The following TUBGCP3 variants were observed in gnomAD, a reference collection of about 807,000 sequenced individuals.
TUBGCP3 encodes tubulin gamma complex component 3, also known as gamma-tubulin complex component 3.
A neutral mutation model predicts 123.1 loss-of-function variants in TUBGCP3; 50 were observed. That is an observed-to-expected ratio of 0.41 (90% CI 0.32 to 0.51). TUBGCP3 has a LOEUF of 0.51. Ranked by LOEUF, TUBGCP3 falls within the 20% of genes least tolerant of loss-of-function variation. The probability of loss-of-function intolerance (pLI) is 0.36; values close to 1 mark genes in which losing one functional copy is unlikely to be tolerated. For synonymous variants in TUBGCP3, 405 were observed against 413.9 expected, an observed-to-expected ratio of 0.98 and a Z score of 0.26; for missense variants, 882 against 1,127.0, an observed-to-expected ratio of 0.78 and a Z score of 3.11.
intron 19 of TUBGCP3, among the ~76,000 whole-genome samples, chr13:112,502,501 A>G (rs555124784): frequency 2.0e-5 from 3 of 151,246 alleles, no homozygotes; most frequent in African/African-American, 7.3e-5. Context: ...GGTTAGTAAT[A>G]GAGGTTTCAA....
At chr13:112,499,587 C>A (rs1880762622) in intron 19 of TUBGCP3, among the ~76,000 whole-genome samples, 1 of 151,670 alleles carries the variant, frequency 6.6e-6, no homozygotes, top group Non-Finnish European at 1.5e-5. Flanking sequence ...GAAAGCATCT[C>A]CATTTTTTTT....
chr13:112,519,422 T>G lies in TUBGCP3; in HGVS notation c.1882-379A>C, dbSNP rs1594135462. 6.6e-6 allele frequency among the ~76,000 whole-genome samples: 1 copy of G among 152,202 alleles called. No individual in the cohort carries two copies. The highest frequency in any genetic ancestry group is 1.5e-5 in the Non-Finnish European group (1 of 68,030). ...CTAATGATCTTCCATCACAACTAAG[T>G]AAATAGTGGGTTTATGTTCATAATA... On this transcript the variant is annotated intron_variant, in intron 15 of 21. Coordinates refer to ENST00000261965, the MANE Select transcript of TUBGCP3 (RefSeq NM_006322.6). The surrounding 1 kb of genome is among the most constrained non-coding windows in gnomAD (Gnocchi z 6.2).
At chr13:112,585,939 TA>T (rs909993562) in intron 1 of TUBGCP3, among the ~76,000 whole-genome samples, 1,505 of 142,058 alleles carry the variant, frequency 0.011, 18 homozygotes, top group African/African-American at 0.032. Flanking sequence ...ATCTTCAATG[TA>T]AAAAAAAAAA....
intron 11 of TUBGCP3, among the ~76,000 whole-genome samples, chr13:112,535,179 A>T (rs1218360413): frequency 6.6e-6 from 1 of 152,202 alleles, no homozygotes; most frequent in Non-Finnish European, 1.5e-5. Flanking sequence ...CATTTTATTT[A>T]TCAGTTCATC....
rs544070528 is a variant in TUBGCP3, at chr13:112,494,421, A to G, written c.2448+4624T>C. ...TTAACATTAAACATCTAAACTTAGT[A>G]TAGTAAAATAGTATATTTTGAGCTG... On this transcript the variant is annotated intron_variant, in intron 20 of 21. Coordinates refer to ENST00000261965, the MANE Select transcript of TUBGCP3 (RefSeq NM_006322.6). Among the ~76,000 whole-genome samples the G allele has an allele frequency of 3.9e-5, 6 of 152,316 alleles. No individual in the cohort carries two copies. The South Asian group carries it at 1.2e-3, about 32-fold the overall frequency.
rs1418705659 is a variant in TUBGCP3, at chr13:112,511,046, A to T, written c.2086+5394T>A. ...AGGATACAAAAACACAGATAGATAC[A>T]CAAAGAAATTTTTAAAGAGAAAAAC... On this transcript the variant is annotated intron_variant, in intron 17 of 21. Coordinates refer to ENST00000261965, the MANE Select transcript of TUBGCP3 (RefSeq NM_006322.6). The surrounding 1 kb of genome is among the most constrained non-coding windows in gnomAD (Gnocchi z 4.1). Among the ~76,000 whole-genome samples the T allele has an allele frequency of 6.6e-6, 1 of 152,212 alleles. No individual in the cohort carries two copies. Among genetic ancestry groups the T allele is most frequent in the Non-Finnish European group, 1.5e-5 (1 of 68,036 alleles).
intron 8 of TUBGCP3, among the ~76,000 whole-genome samples, chr13:112,548,878 CT>C (rs1820654339): frequency 6.6e-6 from 1 of 152,224 alleles, no homozygotes. Context: ...CACTTTTACA[CT>C]GTTGGTGGGA....
chr13:112,601,549 C>T, the TUBGCP3 span, among the ~76,000 whole-genome samples: 1 of 152,146 alleles, frequency 6.6e-6, no homozygotes, highest in African/African-American at 2.4e-5. Context: ...CATCTGTGTT[C>T]GCCCAGGTGG....
At chr13:112,502,420 T>C (rs1880974511) in intron 19 of TUBGCP3, among the ~76,000 whole-genome samples, 1 of 152,108 alleles carries the variant, frequency 6.6e-6, no homozygotes, top group East Asian at 1.9e-4. Context: ...CGGCATCTGC[T>C]GAATACAGAG....
At chr13:112,561,064 T>C (rs1007795082) in intron 3 of TUBGCP3, among the ~76,000 whole-genome samples, 1 of 151,958 alleles carries the variant, frequency 6.6e-6, no homozygotes, top group African/African-American at 2.4e-5. Flanking sequence ...GAAACTTGGA[T>C]TTGGAGGTAA....
intron 11 of TUBGCP3, among the ~76,000 whole-genome samples, chr13:112,535,588 T>C (rs1424426726): frequency 6.6e-6 from 1 of 152,272 alleles, no homozygotes; most frequent in Non-Finnish European, 1.5e-5. Flanking sequence ...GTATCTTCTT[T>C]GGAGAAATAT....
At chr13:112,514,333 G>A (rs1322265085) in intron 17 of TUBGCP3, among the ~76,000 whole-genome samples, 1 of 151,978 alleles carries the variant, frequency 6.6e-6, no homozygotes, top group African/African-American at 2.4e-5. Context: ...GTAGATAAAG[G>A]GAATACTATA....
At position 112,559,400 on chromosome 13, in the gene TUBGCP3, C is replaced by T; in HGVS notation, c.253-1G>A. On this transcript the variant is annotated splice_acceptor_variant, in intron 3 of 21. Transcript: ENST00000261965. LOFTEE classifies it high-confidence loss of function. ...TTGACCATTTATTTTTCAAAACTCCCTGTTTGGAAAAAAGTTAATATTAAA... is the reference window on the plus strand; with the variant it reads ...TTGACCATTTATTTTTCAAAACTCCTTGTTTGGAAAAAAGTTAATATTAAA... The T allele has an allele frequency of 6.3e-7, 1 of 1,593,714 alleles. No individual in the cohort carries two copies. Among genetic ancestry groups the T allele is most frequent in the Non-Finnish European group, 8.6e-7 (1 of 1,165,966 alleles).
chr13:112,530,943 G>GA (rs952789776), intron 11 of TUBGCP3, among the ~76,000 whole-genome samples: 36 of 151,706 alleles, frequency 2.4e-4, no homozygotes, highest in African/African-American at 7.5e-4. Flanking sequence ...TTTTCTATTA[G>GA]AAAAAAAACA....
chr13:112,557,624 C>A (rs770640974), intron 5 of TUBGCP3, among the ~76,000 whole-genome samples: 8 of 152,192 alleles, frequency 5.3e-5, no homozygotes, highest in Admixed American at 5.2e-4. Flanking sequence ...ATGACAATGG[C>A]GCCTGCTTGA....
upstream of TUBGCP3, among the ~76,000 whole-genome samples, chr13:112,590,210 T>G (rs1489326697): frequency 2.0e-5 from 3 of 152,114 alleles, no homozygotes; most frequent in African/African-American, 7.2e-5. Flanking sequence ...TCTCCTGACC[T>G]CGTGATGTGC....
At chr13:112,550,436 G>A (rs1441123335) in intron 8 of TUBGCP3, among the ~76,000 whole-genome samples, 1 of 152,070 alleles carries the variant, frequency 6.6e-6, no homozygotes. Context: ...TAATTTTGTA[G>A]ACACAAAAGG....
intron 11 of TUBGCP3, among the ~76,000 whole-genome samples, chr13:112,536,896 CA>C (rs1325316642): frequency 6.6e-6 from 1 of 151,962 alleles, no homozygotes; most frequent in Non-Finnish European, 1.5e-5. Context: ...CTCAGCCTCC[CA>C]AGAAGCTAGG....
chr13:112,490,802 T>C (rs1880033648), intron 20 of TUBGCP3, among the ~76,000 whole-genome samples: 2 of 152,248 alleles, frequency 1.3e-5, no homozygotes, highest in Non-Finnish European at 2.9e-5. Context: ...AGCACAAAGC[T>C]GACCATCGGT....
Sources: gnomAD v4.1 joint callset for allele counts (sites outside exome capture counted in the v4.1 genomes callset) on GRCh38, gnomAD v4.1.1 for gene constraint, Gnocchi (gnomAD v3.1) non-coding constraint, MANE v1.5 for transcripts, NCBI Gene and HGNC (gene_info 2026-07-23, HGNC 2026-07-21) for gene names.